Variants in PTPN21 observed in about 807,000 individuals in gnomAD.
PTPN21 encodes tyrosine-protein phosphatase non-receptor type 21.
PTPN21 carries 77 observed loss-of-function variants against 131.8 expected under a neutral mutation model. The ratio of observed to expected loss-of-function variants is 0.58; its 90% CI spans 0.49 to 0.71. PTPN21 has a LOEUF of 0.71. Among genes scored for constraint, PTPN21 ranks in the 30% least tolerant of loss-of-function variants. PTPN21 has a pLI of 0.00. For synonymous variants in PTPN21, 715 were observed against 621.3 expected, an observed-to-expected ratio of 1.15 and a Z score of -2.24; for missense variants, 1,552 against 1,527.1, an observed-to-expected ratio of 1.02 and a Z score of -0.27.
intron 3 of PTPN21, among the ~76,000 whole-genome samples, chr14:88,510,941 C>A (rs1399970255): frequency 6.8e-6 from 1 of 147,270 alleles, no homozygotes; most frequent in Non-Finnish European, 1.5e-5. Context: ...GAGACAGGGT[C>A]TTGCTCTATA....
At chr14:88,526,903 G>A (rs1377136001) in intron 2 of PTPN21, among the ~76,000 whole-genome samples, 2 of 152,150 alleles carry the variant, frequency 1.3e-5, no homozygotes, top group East Asian at 1.9e-4. Context: ...AGAACATAAC[G>A]ATGTTTGATT....
chr14:88,529,609 G>C (rs10150016), intron 2 of PTPN21, among the ~76,000 whole-genome samples: 14,069 of 152,158 alleles, frequency 0.092, 1,146 homozygotes, highest in African/African-American at 0.22. Context: ...GAAGCTCAAA[G>C]AACACCCAGG....
In PTPN21 at chr14:88,469,039, T is replaced by C; in HGVS notation, c.3273A>G (p.Thr1091=). The change falls in exon 18 of 19, where the codon ACA becomes ACG. Residue 1091 remains threonine, a synonymous_variant. Transcript: ENST00000556564. This position sits in a 1 kb window ranked among gnomAD's most constrained non-coding sequence, Gnocchi z 4.3. ...LEEIQSVRRH[T]NSTSDPQSPN... ...GGCTTTGGGGATCACTTGTGCTATT[T>C]GTATGGCGTCGAACAGACTGGATCT... is the stretch of plus-strand genomic sequence containing the variant. 1 of 1,614,172 alleles carries C rather than the reference T, an allele frequency of 6.2e-7. No homozygotes were observed. The highest frequency in any genetic ancestry group is 8.5e-7 in the Non-Finnish European group (1 of 1,180,008).
Position 88,546,458 on chromosome 14 carries a change from C to T in PTPN21, c.180+3780G>A, listed in dbSNP as rs143780040. On this transcript the variant is annotated intron_variant, in intron 2 of 18. Transcript: ENST00000556564. ...GGGCATGGTGGTAGGCACCTGTAAT[C>T]CCAGCTACTGGGGAGGCTAAGGCAG... is the stretch of plus-strand genomic sequence containing the variant. Among the ~76,000 whole-genome samples the T allele has an allele frequency of 5.7e-3, 855 of 151,220 alleles. 11 individuals carry two copies. Among genetic ancestry groups the T allele is most frequent in the African/African-American group, 0.02 (826 of 41,238 alleles).
chr14:88,528,055 G>T (rs1566845417), intron 2 of PTPN21, among the ~76,000 whole-genome samples: 1 of 152,114 alleles, frequency 6.6e-6, no homozygotes, highest in Non-Finnish European at 1.5e-5. Flanking sequence ...CTATAGGCTT[G>T]TAGTCCAGTT....
chr14:88,480,271 C>A lies in PTPN21; in HGVS notation c.1160G>T (p.Gly387Val), dbSNP rs781607050. ...SLDRAQIDLNGRIRNGSVYSA... is the reference protein window; with the variant it reads ...SLDRAQIDLNVRIRNGSVYSA... Reference sequence around the variant, plus strand: ...GTAGACACTGCCATTACGGATCCGACCGTTGAGGTCAATCTGGGCTCTATC... The same window carrying A: ...GTAGACACTGCCATTACGGATCCGAACGTTGAGGTCAATCTGGGCTCTATC... Residue 387 changes from glycine (G) to valine (V), a missense_variant, in exon 13 of 19, where the codon GGT becomes GTT. Coordinates refer to ENST00000556564, the MANE Select transcript of PTPN21 (RefSeq NM_007039.4). 2.8e-5 allele frequency: 45 copies of A among 1,613,976 alleles called. 1 individual carries two copies. In the South Asian group the frequency reaches 4.6e-4, roughly 17 times the overall value.
Position 88,479,684 on chromosome 14 carries a change from G to A in PTPN21, c.1747C>T (p.Arg583Cys), listed in dbSNP as rs750737573. ...TTGCTGCTGCTGATGTAAAGGTGGC[G>A]GGACAGGTCTGGCGTGCTGTTGGCG... ...RPANSTPDLS[R>C]HLYISSSNPD... The change falls in exon 13 of 19, where the codon CGC becomes TGC. Residue 583 changes from arginine (R) to cysteine (C), a missense_variant. Arg to Cys is a radical substitution (Grantham distance 180). Transcript: ENST00000556564. The A allele has an allele frequency of 3.3e-6, 5 of 1,522,006 alleles. No individual in the cohort carries two copies. Among genetic ancestry groups the A allele is most frequent in the African/African-American group, 2.8e-5 (2 of 72,616 alleles). 94.3% of individuals were successfully genotyped at this position (1,522,006 alleles called of 1,614,324 possible).
intron 6 of PTPN21, among the ~76,000 whole-genome samples, chr14:88,502,063 G>A (rs1377586535): frequency 6.6e-6 from 1 of 152,168 alleles, no homozygotes; most frequent in African/African-American, 2.4e-5. Flanking sequence ...AGGGTACGAG[G>A]AGGCTACATG....
intron 18 of PTPN21, 50 bp from the exon 19 acceptor site, chr14:88,468,315 A>G (rs1417176628): frequency 1.3e-6 from 2 of 1,507,076 alleles, no homozygotes; most frequent in Non-Finnish European, 1.8e-6. Context: ...CTGGGGAGAC[A>G]GAAAGGATGG....
At chr14:88,551,958 T>A (rs1207655611) in intron 1 of PTPN21, 1 of 152,250 alleles carries the variant, frequency 6.6e-6, no homozygotes, top group Admixed American at 6.5e-5. Context: ...CCCGGACATT[T>A]CCAGGGTCCT....
intron 8 of PTPN21, 137 bp downstream of exon 8, chr14:88,500,646 T>C (rs535382129): frequency 4.7e-6 from 3 of 636,498 alleles, no homozygotes; most frequent in South Asian, 2.1e-5. Context: ...GGTATTTTTT[T>C]CCTAGGAAGG....
chr14:88,469,227 G>T lies in PTPN21; in HGVS notation c.3236-151C>A. 1 of 850,722 alleles carries T rather than the reference G, an allele frequency of 1.2e-6. No homozygotes were observed. The highest frequency in any genetic ancestry group is 1.8e-6 in the Non-Finnish European group (1 of 560,318). 52.7% of individuals were successfully genotyped at this position (850,722 alleles called of 1,614,324 possible). A position where few individuals can be genotyped will look rare whatever the true frequency, so the allele number is the denominator to read the frequency against. On this transcript the variant is annotated intron_variant, in intron 17 of 18. Transcript: ENST00000556564. This position sits in a 1 kb window ranked among gnomAD's most constrained non-coding sequence, Gnocchi z 4.3. ...CCAAACCCAACCACAAAGGGACAGT[G>T]TGACCCTGAGCAAGTCACTACCTCT... is the stretch of plus-strand genomic sequence containing the variant.
chr14:88,527,689 T>G (rs1298772258), intron 2 of PTPN21, among the ~76,000 whole-genome samples: 3 of 152,214 alleles, frequency 2.0e-5, no homozygotes, highest in Non-Finnish European at 4.4e-5. Context: ...TTGTTTTTGC[T>G]GCATTTGTTT....
chr14:88,511,143 T>C (rs2078173713), intron 3 of PTPN21, among the ~76,000 whole-genome samples: 1 of 152,056 alleles, frequency 6.6e-6, no homozygotes, highest in Non-Finnish European at 1.5e-5. Context: ...CTCAAACTCC[T>C]GAGCTCAAGC....
In PTPN21 at chr14:88,469,521, T is replaced by C. The variant is rs2077421939; in HGVS notation, c.3213A>G (p.Pro1071=). Residue 1071 remains proline, a synonymous_variant, in exon 17 of 19, where the codon CCA becomes CCG. Transcript: ENST00000556564. The surrounding 1 kb of genome is among the most constrained non-coding windows in gnomAD (Gnocchi z 4.3). ...CACATAAAAATCCCTTGAGGTCTTC[T>C]GGACAGCCATGTTCAGGCCAGTCTG... ...QYTDWPEHGC[P]EDLKGFLSYL... 1 of 1,613,994 alleles carries C rather than the reference T, an allele frequency of 6.2e-7. No individual in the cohort carries two copies. Among genetic ancestry groups the C allele is most frequent in the East Asian group, 2.2e-5 (1 of 44,888 alleles).
chr14:88,553,380 G>A (rs1395048095), intron 1 of PTPN21, among the ~76,000 whole-genome samples: 1 of 152,014 alleles, frequency 6.6e-6, no homozygotes, highest in Non-Finnish European at 1.5e-5. Flanking sequence ...ATTTATCAAT[G>A]ATTTATACAT....
At chr14:88,497,139 G>T (rs567232690) in intron 9 of PTPN21, 64 bp downstream of exon 9, 1 of 1,268,392 alleles carries the variant, frequency 7.9e-7, no homozygotes, top group Non-Finnish European at 1.2e-6. Flanking sequence ...ATACAGGCAC[G>T]CAGAAGTAGA....
At chr14:88,483,213 A>C (rs2077679090) in intron 12 of PTPN21, among the ~76,000 whole-genome samples, 2 of 57,908 alleles carry the variant, frequency 3.5e-5, no homozygotes, top group Admixed American at 1.3e-4. Flanking sequence ...CTCCGTCTCC[A>C]AAAAAAAAAA....
Position 88,539,089 on chromosome 14 carries a change from C to CT in PTPN21, c.180+11148dup, listed in dbSNP as rs768228840. Among the ~76,000 whole-genome samples the CT allele has an allele frequency of 4.8e-3, 695 of 143,474 alleles. 1 individual carries two copies. The highest frequency in any genetic ancestry group is 0.011 in the Middle Eastern group (3 of 278). 94.1% of individuals were successfully genotyped at this position (143,474 alleles called of 152,430 possible). A position where few individuals can be genotyped will look rare whatever the true frequency, so the allele number is the denominator to read the frequency against. On this transcript the variant is annotated intron_variant, in intron 2 of 18. Transcript: ENST00000556564. ...CTTTGGGAACTTTTCCTTTTCTTTC[C>CT]TTTTTTTTTTTTGAGATGGAGTCTC... is the stretch of plus-strand genomic sequence containing the variant.
Sources: gnomAD v4.1 joint callset for allele counts (sites outside exome capture counted in the v4.1 genomes callset) on GRCh38, gnomAD v4.1.1 for gene constraint, Gnocchi (gnomAD v3.1) non-coding constraint, MANE v1.5 for transcripts, NCBI Gene and HGNC (gene_info 2026-07-23, HGNC 2026-07-21) for gene names.